RDX: variants seen among roughly 807,000 people sequenced by gnomAD.
The protein encoded by RDX is radixin.
RDX carries 32 observed loss-of-function variants against 83.7 expected under a neutral mutation model. That is an observed-to-expected ratio of 0.38 (90% CI 0.29 to 0.51). RDX has a LOEUF of 0.51. Among genes scored for constraint, RDX ranks in the 20% least tolerant of loss-of-function variants. RDX has a pLI of 0.87. For synonymous variants in RDX, 229 were observed against 222.7 expected, an observed-to-expected ratio of 1.03 and a Z score of -0.25; for missense variants, 600 against 689.9, an observed-to-expected ratio of 0.87 and a Z score of 1.46.
intron 14 of RDX, among the ~76,000 whole-genome samples, chr11:110,208,764 C>T (rs1329633038): frequency 6.6e-6 from 1 of 152,134 alleles, no homozygotes; most frequent in Non-Finnish European, 1.5e-5. Flanking sequence ...CAAGACCACC[C>T]TGGCCAACAT....
chr11:110,183,172 G>T (rs191871701), intron 15 of RDX, among the ~76,000 whole-genome samples: 1 of 152,180 alleles, frequency 6.6e-6, no homozygotes, highest in Non-Finnish European at 1.5e-5. Flanking sequence ...GGTGGGTACA[G>T]GGTGCAGCAG....
At chr11:110,184,735 G>T (rs1862953158) in intron 15 of RDX, among the ~76,000 whole-genome samples, 1 of 152,230 alleles carries the variant, frequency 6.6e-6, no homozygotes, top group Admixed American at 6.5e-5. Context: ...AGTGAAGGAT[G>T]TGTGGTCAAC....
At position 110,257,876 on chromosome 11, in the gene RDX, C is replaced by G; in HGVS notation, c.589G>C (p.Asp197His). The change falls in exon 7 of 14, where the codon GAT (aspartate) becomes CAT (histidine). Residue 197 changes from aspartate to histidine, a missense_variant. Physicochemically the swap from Asp to His is moderately conservative, Grantham distance 81 (BLOSUM62 -1). Coordinates refer to ENST00000645495, the MANE Select transcript of RDX (RefSeq NM_002906.4). ...SMMEYLKIAQ[D>H]LEMYGVNYFE... ...TAGTTGACTCCATACATTTCTAGAT[C>G]TTGTGCAATCTTCAGGTATTCCATC... The G allele has an allele frequency of 1.9e-6, 3 of 1,612,202 alleles. No homozygotes were observed. Among genetic ancestry groups the G allele is most frequent in the Non-Finnish European group, 2.5e-6 (3 of 1,178,622 alleles).
chr11:110,201,973 G>T (rs1591507485), intron 14 of RDX, among the ~76,000 whole-genome samples: 1 of 149,518 alleles, frequency 6.7e-6, no homozygotes, highest in Non-Finnish European at 1.5e-5. Context: ...TAGAGTTAAG[G>T]TTTCCCCATG....
At chr11:110,234,191 T>G (rs912184525) in intron 12 of RDX, among the ~76,000 whole-genome samples, 5 of 152,176 alleles carry the variant, frequency 3.3e-5, no homozygotes, top group Non-Finnish European at 5.9e-5. Context: ...AGGTTCTAGA[T>G]CTAACTTCTG....
intron 14 of RDX, among the ~76,000 whole-genome samples, chr11:110,214,472 C>T (rs1335036548): frequency 6.6e-5 from 9 of 136,484 alleles, no homozygotes; most frequent in Non-Finnish European, 1.4e-4. Context: ...ACCATTTGAC[C>T]CAGCCATCCC....
intron 15 of RDX, among the ~76,000 whole-genome samples, chr11:110,187,188 G>A (rs1272133895): frequency 7.2e-5 from 11 of 152,198 alleles, no homozygotes; most frequent in Admixed American, 6.5e-4. Context: ...ATATCTCCAG[G>A]TATTTGGAGC....
At chr11:110,222,668 C>T (rs551169613) in intron 14 of RDX, among the ~76,000 whole-genome samples, 8 of 152,238 alleles carry the variant, frequency 5.3e-5, no homozygotes, top group East Asian at 1.9e-4. Context: ...TGGTGGCGGA[C>T]GCCTGTAGTC....
chr11:110,294,469 G>A (rs1027308496), intron 1 of RDX, among the ~76,000 whole-genome samples: 3 of 152,062 alleles, frequency 2.0e-5, no homozygotes, highest in African/African-American at 7.2e-5. Flanking sequence ...CTCTTTAGAG[G>A]ATCTAAAGTG....
chr11:110,185,150 CTG>C (rs1862962523), intron 15 of RDX: 1 of 152,234 alleles, frequency 6.6e-6, no homozygotes, highest in African/African-American at 2.4e-5. Flanking sequence ...GTCTCAAACT[CTG>C]TTTTAAAATA....
intron 14 of RDX, among the ~76,000 whole-genome samples, chr11:110,208,455 G>A (rs1344853910): frequency 1.3e-5 from 2 of 151,998 alleles, no homozygotes; most frequent in East Asian, 1.9e-4. Flanking sequence ...CCTCAACCTC[G>A]AATTTTCTCC....
chr11:110,211,199 T>A (rs1268882553), intron 14 of RDX, among the ~76,000 whole-genome samples: 1 of 152,168 alleles, frequency 6.6e-6, no homozygotes, highest in African/African-American at 2.4e-5. Context: ...TAGTCTCTGA[T>A]AAAACAGACT....
At chr11:110,260,274 C>T (rs1017091374) in intron 5 of RDX, among the ~76,000 whole-genome samples, 5 of 152,210 alleles carry the variant, frequency 3.3e-5, no homozygotes, top group African/African-American at 1.2e-4. Context: ...GTGTGAGCCA[C>T]CACACCCGGC....
chr11:110,243,844 A>G (rs1227864720), intron 10 of RDX, among the ~76,000 whole-genome samples: 1 of 152,262 alleles, frequency 6.6e-6, no homozygotes, highest in Admixed American at 6.5e-5. Context: ...TAAGATGACT[A>G]TAATCCAAAA....
At chr11:110,255,600 T>C (rs938419751) in intron 7 of RDX, among the ~76,000 whole-genome samples, 1 of 152,196 alleles carries the variant, frequency 6.6e-6, no homozygotes, top group East Asian at 1.9e-4. Context: ...AAATGTGTCA[T>C]GAACCTTAAA....
chr11:110,256,123 C>A (rs1859538120), intron 7 of RDX, among the ~76,000 whole-genome samples: 1 of 152,154 alleles, frequency 6.6e-6, no homozygotes, highest in South Asian at 2.1e-4. Context: ...GACTACCTAT[C>A]AAATGCATCA....
chr11:110,188,257 G>A (rs1863025620), intron 15 of RDX, among the ~76,000 whole-genome samples: 1 of 151,352 alleles, frequency 6.6e-6, no homozygotes, highest in Admixed American at 6.6e-5. Context: ...TCACACCACT[G>A]CACTCCAGCC....
intron 15 of RDX, among the ~76,000 whole-genome samples, chr11:110,180,875 CT>C: frequency 6.6e-6 from 1 of 152,222 alleles, no homozygotes; most frequent in African/African-American, 2.4e-5. Flanking sequence ...TCCAGCCCCC[CT>C]CTTGGATGTG....
At chr11:110,296,388 G>C (rs1030860726) in intron 1 of RDX, 79 bp downstream of exon 1, 2 of 151,618 alleles carry the variant, frequency 1.3e-5, no homozygotes, top group African/African-American at 2.4e-5. Flanking sequence ...CACGGGCCCC[G>C]CAACTTCGCG....
Sources: gnomAD v4.1 joint callset for allele counts (sites outside exome capture counted in the v4.1 genomes callset) on GRCh38, gnomAD v4.1.1 for gene constraint, MANE v1.5 for transcripts, NCBI Gene and HGNC (gene_info 2026-07-23, HGNC 2026-07-21) for gene names.